Variants in DSCAM observed in about 807,000 individuals in gnomAD.
DSCAM encodes the protein cell adhesion molecule DSCAM.
DSCAM carries 47 observed loss-of-function variants against 217.7 expected under a neutral mutation model. The observed-to-expected ratio is 0.22, with a 90% CI of 0.17 to 0.28. The LOEUF (loss-of-function observed/expected upper bound fraction) is 0.28, where lower values mean the gene tolerates loss of function less well. Ranked by LOEUF, DSCAM falls within the 10% of genes least tolerant of loss-of-function variation. The pLI is 1.00. For missense variants in DSCAM, 2,080 were observed against 2,618.3 expected (o/e 0.79, Z 4.49); for synonymous variants, 1,056 against 1,015.3 (o/e 1.04, Z -0.76).
At chr21:40,402,408 A>G (rs2075244665) in intron 3 of DSCAM, among the ~76,000 whole-genome samples, 2 of 151,942 alleles carry the variant, frequency 1.3e-5, no homozygotes, top group Admixed American at 1.3e-4. Context: ...TTAGATTCCT[A>G]AGAAGAAGCT....
At chr21:40,352,834 A>T (rs2074647454) in intron 5 of DSCAM, among the ~76,000 whole-genome samples, 3 of 152,152 alleles carry the variant, frequency 2.0e-5, no homozygotes, top group Non-Finnish European at 4.4e-5. Context: ...CTGCGATCAC[A>T]TCCCTCCTTC....
chr21:40,215,478 T>TAA (rs71186921), intron 11 of DSCAM, among the ~76,000 whole-genome samples: 9 of 150,438 alleles, frequency 6.0e-5, no homozygotes, highest in East Asian at 2.0e-4. Context: ...AACCCAGCCA[T>TAA]AAAAAAAAAT....
Position 40,611,010 on chromosome 21 carries a change from A to G in DSCAM, c.508+81800T>C, listed in dbSNP as rs77899515. On this transcript the variant is annotated intron_variant, in intron 3 of 32. Coordinates refer to ENST00000400454, the MANE Select transcript of DSCAM (RefSeq NM_001389.5). ...CTGCATATGTGGTTTCAGATTTTCA[A>G]AAAGTCATATAAAAATGTAAAAAGA... 5.4e-3 allele frequency among the ~76,000 whole-genome samples: 829 copies of G among 152,224 alleles called. 5 individuals carry two copies. Among genetic ancestry groups the G allele is most frequent in the African/African-American group, 0.019 (795 of 41,510 alleles).
intron 3 of DSCAM, among the ~76,000 whole-genome samples, chr21:40,607,522 C>A (rs1235061702): frequency 6.6e-6 from 1 of 151,352 alleles, no homozygotes; most frequent in Non-Finnish European, 1.5e-5. Context: ...TTGGCTGTGT[C>A]CCCACCCAAA....
chr21:40,491,641 C>T (rs2076076978), intron 3 of DSCAM, among the ~76,000 whole-genome samples: 1 of 152,146 alleles, frequency 6.6e-6, no homozygotes, highest in Non-Finnish European at 1.5e-5. Context: ...CTTCTATAAA[C>T]ACCCCCACAC....
chr21:40,754,093 A>G (rs954552862), intron 1 of DSCAM, among the ~76,000 whole-genome samples: 3 of 152,204 alleles, frequency 2.0e-5, no homozygotes, highest in African/African-American at 7.2e-5. Flanking sequence ...ATCAGGCCAG[A>G]GCCTCTTTTC....
At chr21:40,367,640 C>A (rs1229586406) in intron 4 of DSCAM, among the ~76,000 whole-genome samples, 1 of 152,188 alleles carries the variant, frequency 6.6e-6, no homozygotes, top group African/African-American at 2.4e-5. Context: ...GAGTTATTTT[C>A]CACATATGGT....
At chr21:40,037,238 A>C (rs1422260703) in intron 32 of DSCAM, among the ~76,000 whole-genome samples, 2 of 149,470 alleles carry the variant, frequency 1.3e-5, no homozygotes, top group Non-Finnish European at 3.0e-5. Flanking sequence ...CCCTGTTTGC[A>C]GATGACATGA....
At chr21:40,029,675 C>T (rs1329374213) in intron 32 of DSCAM, among the ~76,000 whole-genome samples, 1 of 152,162 alleles carries the variant, frequency 6.6e-6, no homozygotes, top group Non-Finnish European at 1.5e-5. Context: ...CAAGGCTGGC[C>T]ACCGTATTCT....
At chr21:40,587,178 T>C (rs1407553840) in intron 3 of DSCAM, among the ~76,000 whole-genome samples, 1 of 152,182 alleles carries the variant, frequency 6.6e-6, no homozygotes, top group African/African-American at 2.4e-5. Context: ...TGAAAAAGGA[T>C]ATGTATCAGA....
intron 1 of DSCAM, among the ~76,000 whole-genome samples, chr21:40,721,319 A>G (rs2090899039): frequency 6.6e-6 from 1 of 152,242 alleles, no homozygotes; most frequent in Non-Finnish European, 1.5e-5. Flanking sequence ...TATTAGGAGT[A>G]AACTATTCCA....
chr21:40,030,347 T>C (rs1336612018), intron 32 of DSCAM, among the ~76,000 whole-genome samples: 1 of 152,110 alleles, frequency 6.6e-6, no homozygotes, highest in Non-Finnish European at 1.5e-5. Context: ...AATAGTATCG[T>C]TCCCGACTGT....
chr21:40,094,959 A>G (rs1192128599), intron 20 of DSCAM, among the ~76,000 whole-genome samples: 1 of 152,232 alleles, frequency 6.6e-6, no homozygotes, highest in African/African-American at 2.4e-5. Context: ...GATAAACATA[A>G]TATGTCACAG....
In DSCAM at chr21:40,012,963, C is replaced by T. The variant is rs186222696; in HGVS notation, c.*71G>A. 1.3e-5 allele frequency: 15 copies of T among 1,138,446 alleles called. No homozygotes were observed. Among genetic ancestry groups the T allele is most frequent in the South Asian group, 3.6e-5 (1 of 27,526 alleles). 70.5% of individuals were successfully genotyped at this position (1,138,446 alleles called of 1,614,324 possible). A position where few individuals can be genotyped will look rare whatever the true frequency, so the allele number is the denominator to read the frequency against. On this transcript the variant is annotated 3_prime_UTR_variant, in exon 33 of 33. Transcript: ENST00000400454. ...TCTTTAATTATAAATATTGGAATTC[C>T]GTAAAAAAAAGGTAGCTTTGATTGA...
At chr21:40,037,638 C>A (rs554849189) in intron 32 of DSCAM, among the ~76,000 whole-genome samples, 5 of 149,872 alleles carry the variant, frequency 3.3e-5, no homozygotes, top group African/African-American at 7.6e-5. Context: ...GCTACCAATG[C>A]CTTTCTTCAC....
chr21:40,514,795 C>T (rs1259204901), intron 3 of DSCAM, among the ~76,000 whole-genome samples: 4 of 152,126 alleles, frequency 2.6e-5, no homozygotes, highest in South Asian at 2.1e-4. Context: ...AAACCATCAA[C>T]GGAGCTTATC....
intron 11 of DSCAM, among the ~76,000 whole-genome samples, chr21:40,219,819 CATAA>C (rs2091275355): frequency 6.6e-6 from 1 of 152,188 alleles, no homozygotes; most frequent in Non-Finnish European, 1.5e-5. Flanking sequence ...CATTCTACTT[CATAA>C]ATGTTTGTAA....
At chr21:40,036,547 C>A (rs1269663211) in intron 32 of DSCAM, among the ~76,000 whole-genome samples, 2 of 146,744 alleles carry the variant, frequency 1.4e-5, no homozygotes, top group African/African-American at 5.3e-5. Flanking sequence ...CAAAAAGAGT[C>A]CAGGACCAGA....
chr21:40,116,566 C>T (rs1483073662), intron 20 of DSCAM, among the ~76,000 whole-genome samples: 2 of 152,060 alleles, frequency 1.3e-5, no homozygotes, highest in East Asian at 3.9e-4. Context: ...AGCCTAGCAT[C>T]TGCCTGCCAT....
Sources: allele counts gnomAD v4.1 joint callset (sites outside exome capture counted in the v4.1 genomes callset), GRCh38; gene constraint gnomAD v4.1.1; transcripts MANE v1.5; gene names NCBI Gene and HGNC (gene_info 2026-07-23, HGNC 2026-07-21).